PTPN23: variants seen among roughly 807,000 people sequenced by gnomAD.
PTPN23 encodes protein tyrosine phosphatase non-receptor type 23.
Under a neutral mutation model 156.3 loss-of-function variants are expected in PTPN23, and 72 were observed. That is an observed-to-expected ratio of 0.46 (90% CI 0.38 to 0.56). The LOEUF is 0.56. Among genes scored for constraint, PTPN23 ranks in the 20% least tolerant of loss-of-function variants. PTPN23 has a pLI of 0.00. For missense variants in PTPN23, 1,974 were observed against 2,171.5 expected, an observed-to-expected ratio of 0.91 and a Z score of 1.81; for synonymous variants, 957 against 899.6, an observed-to-expected ratio of 1.06 and a Z score of -1.14.
rs1705237162 is a variant in PTPN23 at position 47,410,226 on chromosome 3, C to T, written c.2428C>T (p.Pro810Ser). The T allele has an allele frequency of 1.2e-6, 2 of 1,611,484 alleles. No individual in the cohort carries two copies. Among genetic ancestry groups the T allele is most frequent in the Admixed American group, 1.7e-5 (1 of 59,738 alleles). Reference protein sequence around the residue: ...TQLIQPRAPGPHAMPVAPGPA... With the variant: ...TQLIQPRAPGSHAMPVAPGPA... ...GCTGATACAGCCCAGGGCCCCAGGG[C>T]CCCATGCAATGCCCGTAGCACCTGG... Residue 810 changes from proline (P) to serine (S), a missense_variant, in exon 20 of 25, where the codon CCC becomes TCC. By Grantham distance (74) the Pro-to-Ser change is moderately conservative. Transcript: ENST00000265562.
chr3:47,391,944 G>A (rs1274632487), intron 1 of PTPN23, among the ~76,000 whole-genome samples: 3 of 152,056 alleles, frequency 2.0e-5, no homozygotes, highest in East Asian at 3.9e-4. Context: ...GGAGTGCAGT[G>A]GCACAATCAT....
chr3:47,396,298 G>T (rs1019725170), intron 2 of PTPN23, 81 bp downstream of exon 2: 2 of 1,205,126 alleles, frequency 1.7e-6, no homozygotes, highest in Non-Finnish European at 2.4e-6. Context: ...CCTAGGCTGG[G>T]CATGGTGGCT....
intron 1 of PTPN23, 27 bp from the exon 2 acceptor site, chr3:47,396,116 C>G: frequency 1.3e-6 from 2 of 1,598,208 alleles, no homozygotes; most frequent in Non-Finnish European, 1.7e-6. Context: ...TTCTCTGCCA[C>G]TGGCTTATGT....
At position 47,381,046 on chromosome 3, in the gene PTPN23, C is replaced by A; in HGVS notation, c.-51C>A. On this transcript the variant is annotated 5_prime_UTR_variant, in exon 1 of 25. Coordinates refer to ENST00000265562, the MANE Select transcript of PTPN23 (RefSeq NM_015466.4). ...GGGGCTGGGCTCGTGGCTGAGCCAG[C>A]AGCTGCAGCAGCTACGGGAGTGGCC... is the stretch of plus-strand genomic sequence containing the variant. 1 of 1,550,362 alleles carries A rather than the reference C, an allele frequency of 6.5e-7. No individual in the cohort carries two copies. The highest frequency in any genetic ancestry group is 1.2e-5 in the South Asian group (1 of 84,086).
rs774986246 is a variant in PTPN23, at chr3:47,410,809, C to T, written c.3011C>T (p.Pro1004Leu). ...PQSPYPYAPQ[P>L]GVLGQPPPPL... Reference sequence around the variant, plus strand: ...TCCCCCTACCCCTATGCCCCTCAGCCTGGGGTCCTGGGGCAGCCGCCACCC... The same window carrying T: ...TCCCCCTACCCCTATGCCCCTCAGCTTGGGGTCCTGGGGCAGCCGCCACCC... The change falls in exon 20 of 25, where the codon CCT becomes CTT. Residue 1004 changes from proline (P) to leucine (L), a missense_variant. This residue lies in a region of PTPN23 where 731 missense variants were observed against 669.1 expected (regional missense o/e 1.09). Transcript: ENST00000265562. 71 of 1,600,738 alleles carry T rather than the reference C, an allele frequency of 4.4e-5. 1 individual carries two copies. The South Asian group carries it at 7.6e-4, about 17-fold the overall frequency.
Position 47,409,744 on chromosome 3 carries a change from C to A in PTPN23, c.2039C>A (p.Ala680Glu). 6.2e-7 allele frequency: 1 copy of A among 1,607,452 alleles called. No individual in the cohort carries two copies. The highest frequency in any genetic ancestry group is 8.5e-7 in the Non-Finnish European group (1 of 1,179,680). Residue 680 changes from alanine to glutamate, a missense_variant, in exon 19 of 25, where the codon GCA (alanine) becomes GAA (glutamate). Around this residue, in one of 4 missense-constraint regions of PTPN23, gnomAD observed 726 missense variants for 929.5 expected, o/e 0.78. Coordinates refer to ENST00000265562, the MANE Select transcript of PTPN23 (RefSeq NM_015466.4). ...KKSQEGRDFY[A>E]DLESKVAALL... ...TCGCAGGAGGGCAGGGACTTCTACG[C>A]AGATCTGGAGAGCAAGGTGGCTGCT... is the stretch of plus-strand genomic sequence containing the variant.
Position 47,413,051 on chromosome 3 carries a change from T to C in PTPN23, c.4777T>C (p.Ser1593Pro). ...LTPEAFSLDSSLRGKQRMSKH... is the reference protein window; with the variant it reads ...LTPEAFSLDSPLRGKQRMSKH... ...CCCAGAGGCCTTCTCCCTGGACAGC[T>C]CCCTGCGGGGCAAACAGCGGATGAG... is the stretch of plus-strand genomic sequence containing the variant. Residue 1593 changes from serine (S) to proline (P), a missense_variant, in exon 25 of 25, where the codon TCC (serine) becomes CCC (proline). By Grantham distance (74) the Ser-to-Pro change is moderately conservative. Transcript: ENST00000265562. 6.2e-7 allele frequency: 1 copy of C among 1,612,874 alleles called. No homozygotes were observed. Among genetic ancestry groups the C allele is most frequent in the Non-Finnish European group, 8.5e-7 (1 of 1,180,008 alleles).
chr3:47,390,744 A>G (rs554653313), intron 1 of PTPN23, among the ~76,000 whole-genome samples: 1 of 152,282 alleles, frequency 6.6e-6, no homozygotes, highest in South Asian at 2.1e-4. Flanking sequence ...CAGGCTGCAA[A>G]TAATAATAAT....
In PTPN23 at chr3:47,405,880, GA is replaced by G; in HGVS notation, c.415-34del. On this transcript the variant is annotated intron_variant, in intron 5 of 24. Transcript: ENST00000265562. The surrounding 1 kb of genome is among the most constrained non-coding windows in gnomAD (Gnocchi z 4.7). ...AAGTATGGATGAATCCTGACCCATG[GA>G]GTGGACACAGGCCATCCTCCCACTC... 3 of 1,609,826 alleles carry G rather than the reference GA, an allele frequency of 1.9e-6. No homozygotes were observed. The highest frequency in any genetic ancestry group is 1.7e-6 in the Non-Finnish European group (2 of 1,177,632).
Position 47,407,424 on chromosome 3 carries a change from G to A in PTPN23, c.923+57G>A. On this transcript the variant is annotated intron_variant, in intron 11 of 24. Coordinates refer to ENST00000265562, the MANE Select transcript of PTPN23 (RefSeq NM_015466.4). This position sits in a 1 kb window ranked among gnomAD's most constrained non-coding sequence, Gnocchi z 4.0. ...TTTTTGTGAAGGGTCTTGTCCCTCT[G>A]CTGGCATCTACATGGGAAGTAGGTT... The A allele has an allele frequency of 6.2e-7, 1 of 1,609,768 alleles. No individual in the cohort carries two copies. The highest frequency in any genetic ancestry group is 8.5e-7 in the Non-Finnish European group (1 of 1,176,440).
intron 1 of PTPN23, among the ~76,000 whole-genome samples, chr3:47,388,139 C>G (rs1362641701): frequency 6.6e-6 from 1 of 152,182 alleles, no homozygotes; most frequent in African/African-American, 2.4e-5. Flanking sequence ...ACTTTTCTTA[C>G]CTGAAACATG....
At chr3:47,397,413 A>T (rs1439150829) in intron 2 of PTPN23, among the ~76,000 whole-genome samples, 1 of 152,184 alleles carries the variant, frequency 6.6e-6, no homozygotes, top group Non-Finnish European at 1.5e-5. Context: ...TGATTATTGT[A>T]TGTACTATTG....
intron 2 of PTPN23, among the ~76,000 whole-genome samples, chr3:47,399,919 A>G (rs1252429417): frequency 6.6e-6 from 1 of 152,106 alleles, no homozygotes; most frequent in Non-Finnish European, 1.5e-5. Context: ...GATTCAAGCG[A>G]TCCTCCTACC....
Position 47,407,249 on chromosome 3 carries a change from G to C in PTPN23, c.865-60G>C. On this transcript the variant is annotated intron_variant, in intron 10 of 24. Coordinates refer to ENST00000265562, the MANE Select transcript of PTPN23 (RefSeq NM_015466.4). This position sits in a 1 kb window ranked among gnomAD's most constrained non-coding sequence, Gnocchi z 4.0. ...GGAGCAAGCCCGGTAGGACTGAGGG[G>C]GTGTCCTGGTGCCAGCCTTGGTTAG... The C allele has an allele frequency of 6.2e-7, 1 of 1,613,306 alleles. No individual in the cohort carries two copies. Among genetic ancestry groups the C allele is most frequent in the Non-Finnish European group, 8.5e-7 (1 of 1,179,404 alleles).
At chr3:47,395,976 A>AT (rs1222351258) in intron 1 of PTPN23, among the ~76,000 whole-genome samples, 167 bp from the exon 2 acceptor site, 4 of 151,972 alleles carry the variant, frequency 2.6e-5, no homozygotes, top group Admixed American at 6.6e-5. Flanking sequence ...CGTGGTCAGC[A>AT]TTTTGGTGCT....
intron 2 of PTPN23, among the ~76,000 whole-genome samples, chr3:47,403,948 A>C (rs990937815): frequency 6.6e-5 from 10 of 152,176 alleles, no homozygotes; most frequent in Non-Finnish European, 1.2e-4. Context: ...ACTGTAGGTC[A>C]TGCTGAGTGT....
chr3:47,409,546 G>T lies in PTPN23; in HGVS notation c.1927G>T (p.Val643Leu), dbSNP rs1481237130. Residue 643 changes from valine to leucine, a missense_variant, in exon 18 of 25, where the codon GTA becomes TTA. Transcript: ENST00000265562. ...CGTGCAGTACGCAGCCGTGCGGCGG[G>T]TACTCAGCGACTTGGACCAAAAGTC... ...ANVQYAAVRR[V>L]LSDLDQKWNS... is the part of the protein sequence containing the mutation. 3 of 1,613,646 alleles carry T rather than the reference G, an allele frequency of 1.9e-6. No homozygotes were observed. The highest frequency in any genetic ancestry group is 2.5e-6 in the Non-Finnish European group (3 of 1,179,806).
Position 47,410,267 on chromosome 3 carries a change from A to C in PTPN23, c.2469A>C (p.Pro823=). ...MPVAPGPALY[P]APAYTPELGL... ...TAGCACCTGGGCCTGCCCTCTACCC[A>C]GCCCCTGCCTACACACCGGAGCTGG... The change falls in exon 20 of 25, where the codon CCA becomes CCC. Residue 823 remains proline, a synonymous_variant. Coordinates refer to ENST00000265562, the MANE Select transcript of PTPN23 (RefSeq NM_015466.4). The C allele has an allele frequency of 1.9e-6, 3 of 1,609,076 alleles. No homozygotes were observed. The highest frequency in any genetic ancestry group is 2.5e-6 in the Non-Finnish European group (3 of 1,177,712).
At position 47,412,381 on chromosome 3, in the gene PTPN23, G is replaced by A. The variant is rs374667638; in HGVS notation, c.4277G>A (p.Arg1426Gln). The change falls in exon 23 of 25, where the codon CGG becomes CAG. Residue 1426 changes from arginine (R) to glutamine (Q), a missense_variant. Arg to Gln is a conservative substitution (Grantham distance 43). Transcript: ENST00000265562. ...NGIPELPQLV[R>Q]RMRQQRKHML... Reference sequence around the variant, plus strand: ...ATCCCTGAGCTGCCTCAGCTGGTGCGGCGCATGCGGCAGCAGAGAAAGCAC... The same window carrying A: ...ATCCCTGAGCTGCCTCAGCTGGTGCAGCGCATGCGGCAGCAGAGAAAGCAC... The A allele has an allele frequency of 1.4e-5, 22 of 1,613,070 alleles. No individual in the cohort carries two copies. The highest frequency in any genetic ancestry group is 1.6e-4 in the Middle Eastern group (1 of 6,072).
Sources: gnomAD v4.1 joint callset for allele counts (sites outside exome capture counted in the v4.1 genomes callset) on GRCh38, gnomAD v4.1.1 for gene constraint, gnomAD v4.1.1 regional missense constraint, Gnocchi (gnomAD v3.1) non-coding constraint, MANE v1.5 for transcripts, NCBI Gene and HGNC (gene_info 2026-07-23, HGNC 2026-07-21) for gene names.